Variants in MCCC1 observed in about 807,000 individuals in gnomAD.
The protein encoded by MCCC1 is methylcrotonoyl-CoA carboxylase subunit alpha, mitochondrial.
MCCC1 carries 64 observed loss-of-function variants against 83.8 expected under a neutral mutation model. The observed-to-expected ratio is 0.76, with a 90% confidence interval of 0.62 to 0.94. The LOEUF is 0.94. MCCC1 is among the 40% of genes least tolerant of loss of function. The probability of loss-of-function intolerance (pLI) is 0.00; values close to 1 mark genes in which losing one functional copy is unlikely to be tolerated. For synonymous variants in MCCC1, 322 were observed against 315.4 expected (o/e 1.02, Z -0.22); for missense variants, 807 against 904.7 (o/e 0.89, Z 1.39).
intron 4 of MCCC1, among the ~76,000 whole-genome samples, chr3:183,085,165 T>C (rs1372637153): frequency 1.3e-5 from 2 of 152,206 alleles, no homozygotes; most frequent in Non-Finnish European, 2.9e-5. Flanking sequence ...GTGAGGGTGA[T>C]GGGCAACACT....
chr3:183,042,042 A>G (rs1235689321), intron 10 of MCCC1, among the ~76,000 whole-genome samples: 2 of 152,198 alleles, frequency 1.3e-5, no homozygotes, highest in African/African-American at 2.4e-5. Context: ...TGTTCAATAT[A>G]ATCAAAACCA....
At chr3:183,041,305 C>T (rs916777315) in intron 11 of MCCC1, among the ~76,000 whole-genome samples, 5 of 152,106 alleles carry the variant, frequency 3.3e-5, no homozygotes, top group Admixed American at 2.0e-4. Context: ...AAGAACAGTA[C>T]ACACAAAATA....
At chr3:183,069,668 C>CT (rs1197900180) in intron 7 of MCCC1, among the ~76,000 whole-genome samples, 2 of 152,138 alleles carry the variant, frequency 1.3e-5, no homozygotes, top group Non-Finnish European at 2.9e-5. Flanking sequence ...AGTTTCAAGT[C>CT]TGTTACCTTC....
intron 16 of MCCC1, among the ~76,000 whole-genome samples, chr3:183,022,101 G>A (rs1343799609): frequency 1.3e-5 from 2 of 152,144 alleles, no homozygotes; most frequent in Non-Finnish European, 1.5e-5. Flanking sequence ...AGACATCAAA[G>A]CCCTGAGATA....
intron 9 of MCCC1, among the ~76,000 whole-genome samples, chr3:183,046,205 C>T (rs1185937197): frequency 6.6e-6 from 1 of 152,186 alleles, no homozygotes; most frequent in Admixed American, 6.5e-5. Flanking sequence ...TGGAATCAGT[C>T]CCTTCACTAA....
intron 16 of MCCC1, among the ~76,000 whole-genome samples, chr3:183,020,652 A>G (rs1712081192): frequency 6.6e-6 from 1 of 151,782 alleles, no homozygotes; most frequent in African/African-American, 2.4e-5. Flanking sequence ...TAAATTAGTC[A>G]CCATTAATAC....
intron 17 of MCCC1, 108 bp downstream of exon 17, chr3:183,020,022 C>T: frequency 1.2e-6 from 1 of 830,352 alleles, no homozygotes; most frequent in Non-Finnish European, 2.0e-6. Flanking sequence ...GAAGTGGATG[C>T]TTTCCAATGA....
intron 2 of MCCC1, among the ~76,000 whole-genome samples, chr3:183,092,997 AATT>A (rs1423480596): frequency 6.6e-6 from 1 of 152,092 alleles, no homozygotes; most frequent in Non-Finnish European, 1.5e-5. Context: ...AGGGTCAAGC[AATT>A]CTACTGCTTC....
chr3:183,081,808 G>A (rs933925892), intron 4 of MCCC1, among the ~76,000 whole-genome samples: 1 of 152,314 alleles, frequency 6.6e-6, no homozygotes, highest in East Asian at 1.9e-4. Context: ...GCTTGACATG[G>A]TGGGAGCACT....
chr3:183,104,194 A>G (rs1433809635), upstream of MCCC1, among the ~76,000 whole-genome samples: 1 of 152,218 alleles, frequency 6.6e-6, no homozygotes, highest in African/African-American at 2.4e-5. Context: ...AGGGGCTCCC[A>G]CAGTGCAGCG....
chr3:183,088,722 G>C (rs1406890387), intron 3 of MCCC1, among the ~76,000 whole-genome samples: 2 of 152,126 alleles, frequency 1.3e-5, no homozygotes, highest in Non-Finnish European at 2.9e-5. Context: ...TTTAGTTCTT[G>C]TTTTTACATA....
At chr3:183,103,894 G>C (rs984745467), upstream of MCCC1, among the ~76,000 whole-genome samples, 187 of 152,338 alleles carry the variant, frequency 1.2e-3, 1 homozygote, top group Non-Finnish European at 8.2e-4. Context: ...CTGCCCCGCG[G>C]GGAGGCAGCC....
rs777473966 is a variant in MCCC1, at chr3:183,072,527, G to A, written c.370-40C>T. The A allele has an allele frequency of 4.4e-6, 7 of 1,608,670 alleles. No individual in the cohort carries two copies. In the East Asian group the frequency reaches 1.1e-4, roughly 26 times the overall value. On this transcript the variant is annotated intron_variant, in intron 4 of 18. Coordinates refer to ENST00000265594, the MANE Select transcript of MCCC1 (RefSeq NM_020166.5). ...TAAAATAAAAAATTTACTCATCAGTGCTCAACTGGCAACACCTTAATGCAG... is the reference window on the plus strand; with the variant it reads ...TAAAATAAAAAATTTACTCATCAGTACTCAACTGGCAACACCTTAATGCAG...
chr3:183,069,175 AC>A (rs1176165788), intron 7 of MCCC1, among the ~76,000 whole-genome samples: 3 of 152,224 alleles, frequency 2.0e-5, no homozygotes, highest in African/African-American at 7.2e-5. Context: ...GGCAATATAT[AC>A]AAAAAATAAA....
chr3:183,097,803 A>T (rs1207919906), intron 1 of MCCC1, among the ~76,000 whole-genome samples: 1 of 152,262 alleles, frequency 6.6e-6, no homozygotes, highest in Admixed American at 6.5e-5. Flanking sequence ...TTGAAAGGGA[A>T]GACAGGAAAT....
chr3:183,063,205 A>C (rs931237941), intron 7 of MCCC1, among the ~76,000 whole-genome samples: 3 of 151,394 alleles, frequency 2.0e-5, no homozygotes, highest in Admixed American at 2.0e-4. Flanking sequence ...GATGGTCTTG[A>C]TCTCCTGACC....
intron 1 of MCCC1, chr3:183,099,012 C>A (rs761719664): frequency 7.3e-5 from 35 of 477,914 alleles, no homozygotes; most frequent in Non-Finnish European, 1.3e-4. Flanking sequence ...ACGCTCCCAC[C>A]TAAGGGGTGC....
chr3:183,076,235 G>T (rs1717062737), intron 4 of MCCC1, among the ~76,000 whole-genome samples: 1 of 152,118 alleles, frequency 6.6e-6, no homozygotes, highest in Admixed American at 6.5e-5. Context: ...CTGACTTGTT[G>T]TCTCTATAGT....
chr3:183,101,813 G>A (rs1006145635), upstream of MCCC1, among the ~76,000 whole-genome samples: 11 of 152,242 alleles, frequency 7.2e-5, no homozygotes, highest in South Asian at 4.1e-4. Context: ...CACTTATCAC[G>A]AAGATCTGCA....
Sources: gnomAD v4.1 joint callset for allele counts (sites outside exome capture counted in the v4.1 genomes callset) on GRCh38, gnomAD v4.1.1 for gene constraint, MANE v1.5 for transcripts, NCBI Gene and HGNC (gene_info 2026-07-23, HGNC 2026-07-21) for gene names.